NIPBL: variants seen among roughly 807,000 people sequenced by gnomAD.
NIPBL encodes the protein NIPBL cohesin loading factor.
In NIPBL, 19 loss-of-function variants were observed where a neutral mutation model predicts 321.8. That is an observed-to-expected ratio of 0.06 (90% confidence interval 0.04 to 0.09). The LOEUF (loss-of-function observed/expected upper bound fraction) is 0.09. NIPBL is among the 10% of genes least tolerant of loss of function. The pLI, the probability that NIPBL is intolerant of heterozygous loss-of-function variation, is 1.00. For missense variants in NIPBL, 2,210 were observed against 3,327.0 expected, an observed-to-expected ratio of 0.66 and a Z score of 8.26; for synonymous variants, 1,106 against 1,114.1, an observed-to-expected ratio of 0.99 and a Z score of 0.14.
chr5:37,034,537 G>C (rs1185753618), intron 32 of NIPBL, among the ~76,000 whole-genome samples: 4 of 152,136 alleles, frequency 2.6e-5, no homozygotes, highest in Non-Finnish European at 5.9e-5. Flanking sequence ...TTGTACAGCA[G>C]AGAAAATCAG....
At chr5:36,943,028 T>C (rs1739285726) in intron 1 of NIPBL, among the ~76,000 whole-genome samples, 1 of 152,138 alleles carries the variant, frequency 6.6e-6, no homozygotes, top group Admixed American at 6.5e-5. Context: ...GAAAACTATA[T>C]AGTTGTTATA....
At chr5:36,974,859 A>C (rs577677962) in intron 8 of NIPBL, among the ~76,000 whole-genome samples, 1 of 152,084 alleles carries the variant, frequency 6.6e-6, no homozygotes, top group African/African-American at 2.4e-5. Context: ...ACAATTTCTT[A>C]CAAGTTTTTA....
intron 1 of NIPBL, among the ~76,000 whole-genome samples, chr5:36,936,565 C>T (rs1580274106): frequency 6.6e-6 from 1 of 152,096 alleles, no homozygotes; most frequent in African/African-American, 2.4e-5. Context: ...TTTCTCAGAA[C>T]GTTTGTCCCT....
chr5:37,033,728 A>ATTTTT (rs1423279625), intron 32 of NIPBL, among the ~76,000 whole-genome samples: 37 of 48,384 alleles, frequency 7.6e-4, no homozygotes, highest in East Asian at 5.2e-3. Context: ...ATATATATAT[A>ATTTTT]TATTTTTTTT....
intron 20 of NIPBL, among the ~76,000 whole-genome samples, chr5:37,009,254 CAG>C (rs749680679): frequency 3.3e-5 from 5 of 151,392 alleles, no homozygotes; most frequent in Non-Finnish European, 5.9e-5. Context: ...AAATAAAAAA[CAG>C]AAAGATTAAT....
intron 43 of NIPBL, among the ~76,000 whole-genome samples, chr5:37,057,572 T>C (rs1031094935): frequency 1.3e-5 from 2 of 152,236 alleles, no homozygotes; most frequent in African/African-American, 4.8e-5. Flanking sequence ...CCATCACATT[T>C]ATTTCTCTCA....
At chr5:36,982,540 A>G (rs1160949275) in intron 9 of NIPBL, among the ~76,000 whole-genome samples, 1 of 151,826 alleles carries the variant, frequency 6.6e-6, no homozygotes, top group Admixed American at 6.6e-5. Context: ...TATATACTGA[A>G]AAACAATGGT....
rs139177541 is a variant in NIPBL, at chr5:36,985,628, T to C, written c.2448T>C (p.Arg816=). ...GATCTGTTTCTGAGTCACTAAGACG[T>C]GACCATGATAATAAACAAAAATCAG... ...DGRSVSESLR[R]DHDNKQKSDD... Residue 816 remains arginine, a synonymous_variant, in exon 10 of 47, where the codon CGT becomes CGC. Transcript: ENST00000282516. 27 of 1,613,868 alleles carry C rather than the reference T, an allele frequency of 1.7e-5. No individual in the cohort carries two copies. In the African/African-American group the frequency reaches 3.6e-4, roughly 22 times the overall value.
intron 45 of NIPBL, among the ~76,000 whole-genome samples, chr5:37,061,787 CT>C (rs1426758232): frequency 5.3e-5 from 8 of 152,270 alleles, no homozygotes; most frequent in African/African-American, 1.7e-4. Context: ...AATGTAAATG[CT>C]ATATACATAG....
chr5:36,945,455 T>A (rs1739560596), intron 1 of NIPBL, among the ~76,000 whole-genome samples: 1 of 152,206 alleles, frequency 6.6e-6, no homozygotes, highest in Non-Finnish European at 1.5e-5. Flanking sequence ...CTTTATTTAC[T>A]TAGTGGTAAC....
Position 37,064,927 on chromosome 5 carries a change from T to G in NIPBL, c.*35T>G. The stretch of plus-strand genomic sequence containing the variant: ...ACATGCAGCCAAATTTACAGGAATT[T>G]TTTTAAAAGGCAGAAAAACTTGAAA... On this transcript the variant is annotated 3_prime_UTR_variant, in exon 47 of 47. Transcript: ENST00000282516. The G allele has an allele frequency of 6.2e-7, 1 of 1,613,738 alleles. No homozygotes were observed. The highest frequency in any genetic ancestry group is 1.1e-5 in the South Asian group (1 of 91,042).
chr5:37,022,418 G>T (rs187768025), intron 29 of NIPBL, 28 bp downstream of exon 29: 1 of 1,578,208 alleles, frequency 6.3e-7, no homozygotes, highest in South Asian at 1.2e-5. Context: ...ATAATGATTC[G>T]TGAATATAAT....
chr5:36,994,483 C>T (rs1215918136), intron 10 of NIPBL, among the ~76,000 whole-genome samples: 3 of 152,054 alleles, frequency 2.0e-5, no homozygotes, highest in Non-Finnish European at 1.5e-5. Context: ...ATTTACTTTT[C>T]TGTCATGATT....
intron 2 of NIPBL, chr5:36,954,820 C>T (rs1053286874): frequency 2.0e-5 from 3 of 152,808 alleles, no homozygotes; most frequent in African/African-American, 7.2e-5. Context: ...GCTTTCTTAA[C>T]CTTTAGACAA....
chr5:37,030,309 A>G (rs16903458), intron 32 of NIPBL, among the ~76,000 whole-genome samples: 4,977 of 152,170 alleles, frequency 0.033, 262 homozygotes, highest in African/African-American at 0.11. Context: ...TAGTTTACCA[A>G]TGATATTGTG....
At chr5:36,917,848 A>G (rs1276326210) in intron 1 of NIPBL, among the ~76,000 whole-genome samples, 1 of 151,968 alleles carries the variant, frequency 6.6e-6, no homozygotes, top group Admixed American at 6.6e-5. Context: ...GTGTGGTATT[A>G]TTTCTGAGGG....
intron 5 of NIPBL, among the ~76,000 whole-genome samples, chr5:36,961,832 G>A (rs1464708180): frequency 6.6e-6 from 1 of 152,160 alleles, no homozygotes; most frequent in Non-Finnish European, 1.5e-5. Context: ...TAACTAATGT[G>A]TTTGAGATAA....
chr5:37,042,088 C>T (rs1021144541), intron 34 of NIPBL, among the ~76,000 whole-genome samples: 6 of 152,186 alleles, frequency 3.9e-5, no homozygotes, highest in Admixed American at 3.9e-4. Flanking sequence ...GTAATTAATA[C>T]TCCTACAAGC....
At chr5:37,059,935 C>A (rs74757668) in intron 44 of NIPBL, among the ~76,000 whole-genome samples, 61 of 152,300 alleles carry the variant, frequency 4.0e-4, no homozygotes, top group African/African-American at 1.4e-3. Flanking sequence ...TCTTTTCTGC[C>A]TGTAACCATG....
Sources: allele counts gnomAD v4.1 joint callset (sites outside exome capture counted in the v4.1 genomes callset), GRCh38; gene constraint gnomAD v4.1.1; transcripts MANE v1.5; gene names NCBI Gene and HGNC (gene_info 2026-07-23, HGNC 2026-07-21).